SPTBN4: variants seen among roughly 807,000 people sequenced by gnomAD.
SPTBN4 encodes spectrin beta chain, non-erythrocytic 4.
Under a neutral mutation model 277.8 loss-of-function variants are expected in SPTBN4, and 96 were observed. That is an observed-to-expected ratio of 0.35 (90% CI 0.29 to 0.41). The LOEUF (loss-of-function observed/expected upper bound fraction) is 0.41. SPTBN4 is among the 10% of genes least tolerant of loss of function. SPTBN4 has a pLI of 1.00. For synonymous variants in SPTBN4, 1,481 were observed against 1,580.3 expected (o/e 0.94, Z 1.49); for missense variants, 3,006 against 3,595.7 (o/e 0.84, Z 4.19).
In SPTBN4 at chr19:40,515,944, TATATATACACATATATAC is replaced by T. The variant is rs1167628901; in HGVS notation, c.2903+497_2903+514del. On this transcript the variant is annotated intron_variant, in intron 15 of 35. Coordinates refer to ENST00000598249, the MANE Select transcript of SPTBN4 (RefSeq NM_020971.3). The surrounding 1 kb of genome is among the most constrained non-coding windows in gnomAD (Gnocchi z 4.1). ...ACATATATATACACACATATATACG[TATATATACACATATATAC>T]GTATATATACACATATATACGTATA... Among the ~76,000 whole-genome samples, 1 of 76,920 alleles carries T rather than the reference TATATATACACATATATAC, an allele frequency of 1.3e-5. No individual in the cohort carries two copies. Among genetic ancestry groups the T allele is most frequent in the Non-Finnish European group, 2.9e-5 (1 of 34,408 alleles). 50.5% of individuals were successfully genotyped at this position (76,920 alleles called of 152,430 possible). A position where few individuals can be genotyped will look rare whatever the true frequency, so the allele number is the denominator to read the frequency against.
rs1008059539 is a variant in SPTBN4, at chr19:40,570,552, A to G, written c.7143A>G (p.Arg2381=). 135 of 1,357,290 alleles carry G rather than the reference A, an allele frequency of 9.9e-5. No individual in the cohort carries two copies. Among genetic ancestry groups the G allele is most frequent in the Non-Finnish European group, 1.2e-4 (130 of 1,059,058 alleles). 84.1% of individuals were successfully genotyped at this position (1,357,290 alleles called of 1,614,324 possible). The change falls in exon 33 of 36, where the codon CGA becomes CGG. Residue 2381 remains arginine, a synonymous_variant. Transcript: ENST00000598249. ...RPRARDRPKP[R]RRPRPREGGE... ...GGGCGCGGGACCGGCCCAAGCCGCGACGGCGGCCGCGGCCCAGAGAGGGTG... is the reference window on the plus strand; with the variant it reads ...GGGCGCGGGACCGGCCCAAGCCGCGGCGGCGGCCGCGGCCCAGAGAGGGTG...
Position 40,532,616 on chromosome 19 carries a change from T to C in SPTBN4, c.3949-9T>C, listed in dbSNP as rs762170127. 2 of 1,611,934 alleles carry C rather than the reference T, an allele frequency of 1.2e-6. No individual in the cohort carries two copies. Among genetic ancestry groups the C allele is most frequent in the Middle Eastern group, 1.7e-4 (1 of 6,048 alleles). Reference sequence around the variant, plus strand: ...GACCAGCTGAGCCCTCCTGCCCTGTTCTGCACAGCTGGATGGCTGGATCCA... The same window carrying C: ...GACCAGCTGAGCCCTCCTGCCCTGTCCTGCACAGCTGGATGGCTGGATCCA... On this transcript the variant is annotated splice_polypyrimidine_tract_variant and intron_variant, in intron 18 of 35. Coordinates refer to ENST00000598249, the MANE Select transcript of SPTBN4 (RefSeq NM_020971.3).
At chr19:40,520,381 G>A (rs932353955) in intron 16 of SPTBN4, among the ~76,000 whole-genome samples, 1 of 152,186 alleles carries the variant, frequency 6.6e-6, no homozygotes, top group African/African-American at 2.4e-5. Flanking sequence ...AGTGGGGTAG[G>A]TTGGTGTCTT....
chr19:40,551,540 A>G (rs916218717), intron 22 of SPTBN4, among the ~76,000 whole-genome samples: 6 of 152,180 alleles, frequency 3.9e-5, no homozygotes, highest in African/African-American at 1.4e-4. Context: ...GAGCTCCTAA[A>G]AAATCTCTGA....
intron 2 of SPTBN4, among the ~76,000 whole-genome samples, chr19:40,481,382 A>G (rs575602509): frequency 4.4e-4 from 67 of 152,248 alleles, no homozygotes; most frequent in African/African-American, 1.6e-3. Context: ...ACTTTAGTAG[A>G]GACTGCCCGT....
Position 40,554,882 on chromosome 19 carries a change from C to T in SPTBN4, c.5084+236C>T, listed in dbSNP as rs917024454. The T allele has an allele frequency of 5.8e-6, 3 of 520,614 alleles. No homozygotes were observed. In the Admixed American group the frequency reaches 1.1e-4, roughly 19 times the overall value. The allele number at this position is 520,614 out of a possible 1,614,324, so 32.2% of individuals were successfully genotyped here. On this transcript the variant is annotated intron_variant, in intron 24 of 35. Coordinates refer to ENST00000598249, the MANE Select transcript of SPTBN4 (RefSeq NM_020971.3). This position sits in a 1 kb window ranked among gnomAD's most constrained non-coding sequence, Gnocchi z 5.7. Reference sequence around the variant, plus strand: ...TTGAGTGTAGTAGTGGGGACCTTGTCGGGGGAGAAAAGAGTAGGCGATGTC... The same window carrying T: ...TTGAGTGTAGTAGTGGGGACCTTGTTGGGGGAGAAAAGAGTAGGCGATGTC...
In SPTBN4 at chr19:40,567,645, T is replaced by C. The variant is rs751752172; in HGVS notation, c.6337-18T>C. 2 of 1,160,028 alleles carry C rather than the reference T, an allele frequency of 1.7e-6. No homozygotes were observed. The highest frequency in any genetic ancestry group is 3.0e-5 in the Admixed American group (1 of 32,846). The allele number at this position is 1,160,028 out of a possible 1,614,324, so 71.9% of individuals were successfully genotyped here. On this transcript the variant is annotated intron_variant, in intron 30 of 35. Coordinates refer to ENST00000598249, the MANE Select transcript of SPTBN4 (RefSeq NM_020971.3). ...CGGCCCCACGCCTCCAACCTAACCC[T>C]GGTCCCTCCATCCTCAGATCGAGAA...
intron 16 of SPTBN4, among the ~76,000 whole-genome samples, 197 bp from the exon 17 acceptor site, chr19:40,523,240 C>A (rs919015720): frequency 6.6e-6 from 1 of 152,146 alleles, no homozygotes; most frequent in African/African-American, 2.4e-5. Flanking sequence ...AGTGAAGGAG[C>A]CAGCCATGGG....
intron 2 of SPTBN4, among the ~76,000 whole-genome samples, chr19:40,476,345 CAA>C (rs60942038): frequency 7.7e-4 from 89 of 115,482 alleles, no homozygotes; most frequent in Admixed American, 1.2e-3. Context: ...AACTCTGTCT[CAA>C]AAAAAAAAAA....
chr19:40,539,001 G>T (rs1437557014), intron 20 of SPTBN4, among the ~76,000 whole-genome samples: 2 of 152,192 alleles, frequency 1.3e-5, no homozygotes, highest in African/African-American at 4.8e-5. Context: ...AGGAGGGCTG[G>T]TCCATGCAGG....
At chr19:40,495,492 T>TA (rs1384145775) in intron 6 of SPTBN4, among the ~76,000 whole-genome samples, 2 of 151,554 alleles carry the variant, frequency 1.3e-5, no homozygotes, top group African/African-American at 4.9e-5. Context: ...AAAATAAAAA[T>TA]AAAAAATTAG....
intron 2 of SPTBN4, among the ~76,000 whole-genome samples, chr19:40,481,672 C>T (rs917281400): frequency 3.9e-5 from 6 of 152,110 alleles, no homozygotes; most frequent in Non-Finnish European, 7.3e-5. Flanking sequence ...GACGGGGTTT[C>T]GCCATGTTGG....
rs1396584792 is a variant in SPTBN4, at chr19:40,513,549, G to C, written c.2760G>C (p.Gln920His). ...PDSLDDVEVV[Q>H]HRFESLDQEM... Reference sequence around the variant, plus strand: ...CACTCGACGACGTCGAGGTGGTGCAGCACCGGTGAGCGCGCACATGTGGGA... The same window carrying C: ...CACTCGACGACGTCGAGGTGGTGCACCACCGGTGAGCGCGCACATGTGGGA... Residue 920 changes from glutamine (Q) to histidine (H), a missense_variant, in exon 14 of 36, where the codon CAG becomes CAC. Physicochemically the swap from Gln to His is conservative, Grantham distance 24. Coordinates refer to ENST00000598249, the MANE Select transcript of SPTBN4 (RefSeq NM_020971.3). 1.3e-6 allele frequency: 2 copies of C among 1,567,948 alleles called. No individual in the cohort carries two copies. Among genetic ancestry groups the C allele is most frequent in the Non-Finnish European group, 1.7e-6 (2 of 1,161,720 alleles).
chr19:40,542,007 C>T lies in SPTBN4; in HGVS notation c.4360-7182C>T, dbSNP rs1282024247. ...CACAGTCTCAGCTCGCTGCAACCTCCGCCTCCCGGATTCCAGCGATTCTCC... is the reference window on the plus strand; with the variant it reads ...CACAGTCTCAGCTCGCTGCAACCTCTGCCTCCCGGATTCCAGCGATTCTCC... On this transcript the variant is annotated intron_variant, in intron 20 of 35. Coordinates refer to ENST00000598249, the MANE Select transcript of SPTBN4 (RefSeq NM_020971.3). Among the ~76,000 whole-genome samples the T allele has an allele frequency of 4.6e-5, 7 of 152,158 alleles. No individual in the cohort carries two copies. The East Asian group carries it at 5.8e-4, about 13-fold the overall frequency.
chr19:40,511,896 G>T (rs894056504), intron 13 of SPTBN4, among the ~76,000 whole-genome samples: 2 of 152,164 alleles, frequency 1.3e-5, no homozygotes, highest in African/African-American at 4.8e-5. Flanking sequence ...GGCCAAGGCG[G>T]GTGGATCACT....
chr19:40,483,456 C>G (rs1200746447), intron 2 of SPTBN4, among the ~76,000 whole-genome samples: 2 of 152,098 alleles, frequency 1.3e-5, no homozygotes, highest in Non-Finnish European at 2.9e-5. Context: ...AAAAATATTG[C>G]TTCTTACTCT....
In SPTBN4 at chr19:40,519,635, C is replaced by T. The variant is rs748211094; in HGVS notation, c.3138C>T (p.Ala1046=). The part of the protein sequence containing the change: ...PRQAALLEEA[A]LLAERFPAQA... ...AGGCGGCCCTTCTGGAGGAGGCAGC[C>T]CTGCTGGCTGAGCGCTTCCCGGCGC... The change falls in exon 16 of 36, where the codon GCC becomes GCT. Residue 1046 remains alanine, a synonymous_variant. Transcript: ENST00000598249. This position sits in a 1 kb window ranked among gnomAD's most constrained non-coding sequence, Gnocchi z 5.7. 1 of 1,422,202 alleles carries T rather than the reference C, an allele frequency of 7.0e-7. No individual in the cohort carries two copies. The allele number at this position is 1,422,202 out of a possible 1,614,324, so 88.1% of individuals were successfully genotyped here.
At chr19:40,489,228 A>AAAAAAAAAAGAAAG (rs781378644) in intron 3 of SPTBN4, among the ~76,000 whole-genome samples, 1 of 141,650 alleles carries the variant, frequency 7.1e-6, no homozygotes, top group Non-Finnish European at 1.5e-5. Context: ...AAAAAAAAAA[A>AAAAAAAAAAGAAAG]AAAGAAAGAA....
intron 19 of SPTBN4, 53 bp from the exon 20 acceptor site, chr19:40,534,027 C>T (rs373770330): frequency 2.6e-6 from 4 of 1,536,982 alleles, no homozygotes; most frequent in East Asian, 4.6e-5. Flanking sequence ...CTCTGATTCT[C>T]CCCACCATCT....
Sources: allele counts gnomAD v4.1 joint callset (sites outside exome capture counted in the v4.1 genomes callset), GRCh38; gene constraint gnomAD v4.1.1; non-coding constraint Gnocchi (gnomAD v3.1); transcripts MANE v1.5; gene names NCBI Gene and HGNC (gene_info 2026-07-23, HGNC 2026-07-21).